Variants in PCDH15 observed in about 807,000 individuals in gnomAD.
The protein encoded by PCDH15 is protocadherin related 15, also known as protocadherin-15.
A neutral mutation model predicts 178.5 loss-of-function variants in PCDH15; 129 were observed. The observed-to-expected ratio is 0.72, with a 90% CI of 0.63 to 0.84. The LOEUF (loss-of-function observed/expected upper bound fraction) is 0.84, where lower values mean the gene tolerates loss of function less well. Ranked by LOEUF, PCDH15 falls within the 40% of genes least tolerant of loss-of-function variation. The pLI, the probability that PCDH15 is intolerant of heterozygous loss-of-function variation, is 0.00. For missense variants in PCDH15, 2,230 were observed against 2,099.9 expected, an observed-to-expected ratio of 1.06 and a Z score of -1.21; for synonymous variants, 800 against 732.0, an observed-to-expected ratio of 1.09 and a Z score of -1.50.
chr10:54,773,428 C>A (rs1331783267), intron 1 of PCDH15, among the ~76,000 whole-genome samples: 1 of 152,126 alleles, frequency 6.6e-6, no homozygotes, highest in Non-Finnish European at 1.5e-5. Flanking sequence ...AAATTCTCTA[C>A]CTTCACAAAT....
At chr10:54,238,243 G>T (rs575447389) in intron 8 of PCDH15, among the ~76,000 whole-genome samples, 1 of 151,950 alleles carries the variant, frequency 6.6e-6, no homozygotes, top group Non-Finnish European at 1.5e-5. Context: ...ACAGAACATT[G>T]AAATATGTAA....
At chr10:55,114,333 T>C (rs1418567266) in intron 2 of PCDH15, among the ~76,000 whole-genome samples, 4 of 152,230 alleles carry the variant, frequency 2.6e-5, no homozygotes, top group Non-Finnish European at 5.9e-5. Flanking sequence ...TTTCACAGTA[T>C]CTTGCTCCTC....
At chr10:54,179,570 A>C (rs574598526) in intron 13 of PCDH15, among the ~76,000 whole-genome samples, 8 of 152,184 alleles carry the variant, frequency 5.3e-5, no homozygotes, top group Non-Finnish European at 1.0e-4. Flanking sequence ...AAAGTATAAT[A>C]ATAATAAAAT....
chr10:55,561,722 A>G (rs1171848356), intron 2 of PCDH15, among the ~76,000 whole-genome samples: 1 of 151,910 alleles, frequency 6.6e-6, no homozygotes, highest in Non-Finnish European at 1.5e-5. Flanking sequence ...CTGTGGAAAG[A>G]GGAGAGCAGC....
chr10:54,314,265 C>A (rs1228766252), intron 8 of PCDH15, among the ~76,000 whole-genome samples: 1 of 151,832 alleles, frequency 6.6e-6, no homozygotes, highest in Non-Finnish European at 1.5e-5. Context: ...TGTTGTCTTT[C>A]CGAATAGAAA....
At chr10:55,027,547 G>T (rs1716079106) in intron 2 of PCDH15, among the ~76,000 whole-genome samples, 1 of 151,778 alleles carries the variant, frequency 6.6e-6, no homozygotes, top group South Asian at 2.1e-4. Context: ...GGGTGAAAAG[G>T]TTTGTTAAGA....
At chr10:54,183,962 A>G (rs138457186) in intron 12 of PCDH15, among the ~76,000 whole-genome samples, 1 of 152,178 alleles carries the variant, frequency 6.6e-6, no homozygotes, top group Non-Finnish European at 1.5e-5. Flanking sequence ...TATTTTGTAT[A>G]CAATAGTTCC....
intron 3 of PCDH15, among the ~76,000 whole-genome samples, chr10:54,391,427 C>A (rs1341614296): frequency 6.6e-6 from 1 of 151,880 alleles, no homozygotes; most frequent in African/African-American, 2.4e-5. Flanking sequence ...TACTATAATA[C>A]TTGGTGTACC....
At chr10:54,606,586 G>A (rs113421317) in intron 2 of PCDH15, 66 of 152,138 alleles carry the variant, frequency 4.3e-4, no homozygotes, top group African/African-American at 1.5e-3. Flanking sequence ...GTGCTGTCTT[G>A]GACATGGAAG....
At chr10:54,699,093 A>G (rs2095273121) in intron 1 of PCDH15, among the ~76,000 whole-genome samples, 1 of 152,156 alleles carries the variant, frequency 6.6e-6, no homozygotes, top group Admixed American at 6.6e-5. Flanking sequence ...TGCTTAGAAT[A>G]AAGATCTAGT....
At position 55,479,188 on chromosome 10, in the gene PCDH15, A is replaced by T. The variant is rs370769379; in HGVS notation, c.-156+148437T>A. On this transcript the variant is annotated intron_variant, in intron 2 of 5. Coordinates refer to the PCDH15 transcript ENST00000613346. ...CCAAAATCAGATAGGGATGCAACAT[A>T]AAAAGATAACTTCAGACAAATAAAC... Among the ~76,000 whole-genome samples the T allele has an allele frequency of 5.9e-5, 9 of 151,702 alleles. No homozygotes were observed. In the East Asian group the frequency reaches 1.6e-3, roughly 26 times the overall value.
chr10:54,152,614 T>C (rs1300415653), intron 14 of PCDH15, among the ~76,000 whole-genome samples: 1 of 151,818 alleles, frequency 6.6e-6, no homozygotes, highest in Non-Finnish European at 1.5e-5. Flanking sequence ...AACAATAAAT[T>C]AACAAAAGGG....
At chr10:54,395,799 G>C (rs1280754406) in intron 3 of PCDH15, among the ~76,000 whole-genome samples, 1 of 152,104 alleles carries the variant, frequency 6.6e-6, no homozygotes, top group Non-Finnish European at 1.5e-5. Context: ...CTGTATCTGA[G>C]AATGTGACTT....
intron 20 of PCDH15, among the ~76,000 whole-genome samples, chr10:54,006,979 C>T (rs1353298841): frequency 6.6e-6 from 1 of 152,138 alleles, no homozygotes; most frequent in Non-Finnish European, 1.5e-5. Context: ...TCCCATGCAG[C>T]CATTCTATCC....
At chr10:53,976,035 A>G (rs1227369110) in intron 21 of PCDH15, among the ~76,000 whole-genome samples, 1 of 152,042 alleles carries the variant, frequency 6.6e-6, no homozygotes, top group African/African-American at 2.4e-5. Flanking sequence ...ATTTTTCTCT[A>G]TAGTTTGTTT....
chr10:54,713,753 T>C (rs1475655887), intron 1 of PCDH15, among the ~76,000 whole-genome samples: 4 of 152,154 alleles, frequency 2.6e-5, no homozygotes, highest in Non-Finnish European at 5.9e-5. Flanking sequence ...ATCTTATTTA[T>C]TTAAAATTTG....
At chr10:53,890,484 T>G (rs1005041104) in intron 26 of PCDH15, among the ~76,000 whole-genome samples, 2 of 152,204 alleles carry the variant, frequency 1.3e-5, no homozygotes, top group African/African-American at 4.8e-5. Flanking sequence ...TTGGGGTCTA[T>G]TGGCTTCAGG....
At chr10:55,338,331 A>C (rs1361928043) in intron 2 of PCDH15, among the ~76,000 whole-genome samples, 1 of 152,218 alleles carries the variant, frequency 6.6e-6, no homozygotes, top group Non-Finnish European at 1.5e-5. Context: ...AACATGGTGA[A>C]GAGATACCTG....
intron 33 of PCDH15, among the ~76,000 whole-genome samples, chr10:53,818,695 G>T (rs1490543317): frequency 6.6e-6 from 1 of 152,034 alleles, no homozygotes; most frequent in Non-Finnish European, 1.5e-5. Context: ...TTTCAAAGTT[G>T]AATGTTACTA....
Sources: allele counts gnomAD v4.1 joint callset (sites outside exome capture counted in the v4.1 genomes callset), GRCh38; gene constraint gnomAD v4.1.1; transcripts MANE v1.5; gene names NCBI Gene and HGNC (gene_info 2026-07-23, HGNC 2026-07-21).